CD247: variants seen among roughly 807,000 people sequenced by gnomAD.
The protein encoded by CD247 is CD247 molecule, also known as T-cell surface glycoprotein CD3 zeta chain.
In CD247, 13 loss-of-function variants were observed where a neutral mutation model predicts 30.0. The ratio of observed to expected loss-of-function variants is 0.43; its 90% CI spans 0.28 to 0.69. The LOEUF (loss-of-function observed/expected upper bound fraction) is 0.69. CD247 is among the 30% of genes least tolerant of loss of function. CD247 has a pLI of 0.16. For missense variants in CD247, 193 were observed against 212.6 expected (o/e 0.91, Z 0.57); for synonymous variants, 72 against 80.0 (o/e 0.90, Z 0.53).
chr1:167,477,895 T>C (rs1653816717), intron 1 of CD247, among the ~76,000 whole-genome samples: 3 of 152,212 alleles, frequency 2.0e-5, no homozygotes. Flanking sequence ...TATGGAGAAA[T>C]GCTGGTGCTG....
intron 1 of CD247, among the ~76,000 whole-genome samples, chr1:167,506,648 C>T (rs7534569): frequency 6.6e-6 from 1 of 151,696 alleles, no homozygotes; most frequent in Admixed American, 6.6e-5. Context: ...TAACCCCTAC[C>T]CCAGCCTAAT....
intron 1 of CD247, among the ~76,000 whole-genome samples, chr1:167,509,577 G>A (rs189674421): frequency 6.6e-6 from 1 of 152,208 alleles, no homozygotes; most frequent in African/African-American, 2.4e-5. Context: ...TGAGAATTTG[G>A]GGAGCTGTTG....
intron 2 of CD247, chr1:167,439,657 C>G (rs552645265): frequency 1.8e-6 from 1 of 556,960 alleles, no homozygotes; most frequent in African/African-American, 1.9e-5. Context: ...GGAGTTTATT[C>G]TTCCCGGGCT....
At chr1:167,496,859 C>T (rs573589550) in intron 1 of CD247, among the ~76,000 whole-genome samples, 1 of 152,240 alleles carries the variant, frequency 6.6e-6, no homozygotes, top group East Asian at 1.9e-4. Flanking sequence ...CAGGAGATCT[C>T]CATCAGAAGG....
At chr1:167,450,224 G>A (rs12726198) in intron 1 of CD247, among the ~76,000 whole-genome samples, 2,964 of 152,204 alleles carry the variant, frequency 0.019, 49 homozygotes, top group South Asian at 0.029. Context: ...GGCCAGGTGC[G>A]GTGGCTCAGG....
chr1:167,442,386 G>A (rs527426598), intron 1 of CD247, among the ~76,000 whole-genome samples: 1 of 152,282 alleles, frequency 6.6e-6, no homozygotes, highest in African/African-American at 2.4e-5. Context: ...GCCATATGTG[G>A]GAGTGCTGTC....
chr1:167,488,057 GCTGTGTTCC>G (rs1654287968), intron 1 of CD247, among the ~76,000 whole-genome samples: 1 of 152,110 alleles, frequency 6.6e-6, no homozygotes, highest in African/African-American at 2.4e-5. Flanking sequence ...CTACTTTCTA[GCTGTGTTCC>G]CCTGAGGAAC....
At chr1:167,456,211 T>C (rs1038594618) in intron 1 of CD247, among the ~76,000 whole-genome samples, 3 of 152,166 alleles carry the variant, frequency 2.0e-5, no homozygotes, top group Non-Finnish European at 2.9e-5. Flanking sequence ...TTATCTTCCC[T>C]TCTAGAGTGG....
intron 1 of CD247, among the ~76,000 whole-genome samples, chr1:167,477,045 T>C (rs1421434890): frequency 6.6e-6 from 1 of 152,240 alleles, no homozygotes; most frequent in Non-Finnish European, 1.5e-5. Flanking sequence ...CTGTTGTAAT[T>C]TGAGGGATAG....
At chr1:167,464,872 G>A (rs969541129) in intron 1 of CD247, among the ~76,000 whole-genome samples, 3 of 152,042 alleles carry the variant, frequency 2.0e-5, no homozygotes, top group African/African-American at 7.2e-5. Context: ...CCCCAAGATC[G>A]CACTATTTAT....
At chr1:167,462,631 G>A (rs1653074363) in intron 1 of CD247, among the ~76,000 whole-genome samples, 1 of 152,208 alleles carries the variant, frequency 6.6e-6, no homozygotes, top group African/African-American at 2.4e-5. Context: ...GATCCCTGCT[G>A]GGAGAGGTGT....
chr1:167,457,881 T>C (rs922820306), intron 1 of CD247: 1 of 152,230 alleles, frequency 6.6e-6, no homozygotes, highest in Non-Finnish European at 1.5e-5. Context: ...AGCCCAGTTG[T>C]AGGCATCACT....
rs1371813862 is a variant in CD247 at position 167,430,791 on chromosome 1, G to A, written c.*890C>T. On this transcript the variant is annotated 3_prime_UTR_variant, in exon 8 of 8. Transcript: ENST00000362089. The stretch of plus-strand genomic sequence containing the variant: ...GCAGCAGTATCCTAGTACATTGACG[G>A]GTTTTTCCTGTCCTGCCACTGTCCG... 2 of 398,588 alleles carry A rather than the reference G, an allele frequency of 5.0e-6. No individual in the cohort carries two copies. Among genetic ancestry groups the A allele is most frequent in the African/African-American group, 4.1e-5 (2 of 48,654 alleles). The allele number at this position is 398,588 out of a possible 1,614,324, so 24.7% of individuals were successfully genotyped here.
intron 1 of CD247, among the ~76,000 whole-genome samples, chr1:167,461,593 T>TA (rs1229093984): frequency 6.6e-6 from 1 of 152,228 alleles, no homozygotes; most frequent in Non-Finnish European, 1.5e-5. Context: ...CTCACGCCTG[T>TA]AATCCCAGCA....
chr1:167,447,687 G>A (rs1415160847), intron 1 of CD247, among the ~76,000 whole-genome samples: 3 of 152,160 alleles, frequency 2.0e-5, no homozygotes, highest in Non-Finnish European at 4.4e-5. Flanking sequence ...CTCCCAGGGT[G>A]TGTGACACTC....
In CD247 at chr1:167,459,142, T is replaced by TA. The variant is rs200982980; in HGVS notation, c.59-18376_59-18375insT. 3.0e-3 allele frequency among the ~76,000 whole-genome samples: 402 copies of TA among 135,008 alleles called. 2 individuals are homozygous for TA. The highest frequency in any genetic ancestry group is 9.3e-3 in the African/African-American group (292 of 31,310). 88.6% of individuals were successfully genotyped at this position (135,008 alleles called of 152,430 possible). Reference sequence around the variant, plus strand: ...AGAGTGAAACTGTGTCTCAAAAATTTTAAAAAAAAAAAAATCATGGGGAGA... The same window carrying TA: ...AGAGTGAAACTGTGTCTCAAAAATTTATAAAAAAAAAAAAATCATGGGGAGA... On this transcript the variant is annotated intron_variant, in intron 1 of 7. Transcript: ENST00000362089.
chr1:167,443,088 C>T (rs1651916978), intron 1 of CD247, among the ~76,000 whole-genome samples: 2 of 152,142 alleles, frequency 1.3e-5, no homozygotes, highest in African/African-American at 4.8e-5. Flanking sequence ...TCAGACTGTC[C>T]CACCACCTGA....
intron 1 of CD247, among the ~76,000 whole-genome samples, chr1:167,501,573 T>C (rs1293656362): frequency 6.6e-6 from 1 of 152,262 alleles, no homozygotes; most frequent in Non-Finnish European, 1.5e-5. Flanking sequence ...CAAATGCTTA[T>C]TGGCTACAGA....
At chr1:167,451,021 G>A (rs973323961) in intron 1 of CD247, among the ~76,000 whole-genome samples, 2 of 152,108 alleles carry the variant, frequency 1.3e-5, no homozygotes, top group Non-Finnish European at 2.9e-5. Flanking sequence ...GGTGGTCAGA[G>A]CGGGCTTCAG....
Sources: allele counts gnomAD v4.1 joint callset (sites outside exome capture counted in the v4.1 genomes callset), GRCh38; gene constraint gnomAD v4.1.1; transcripts MANE v1.5; gene names NCBI Gene and HGNC (gene_info 2026-07-23, HGNC 2026-07-21).